BCCIP: variants seen among roughly 807,000 people sequenced by gnomAD.
BCCIP encodes the protein BRCA2 and CDKN1A-interacting protein.
A neutral mutation model predicts 32.8 loss-of-function variants in BCCIP; 23 were observed. The ratio of observed to expected loss-of-function variants is 0.70; its 90% CI spans 0.51 to 0.99. The LOEUF is 0.99. Among genes scored for constraint, BCCIP ranks in the 50% least tolerant of loss-of-function variants. The pLI, the probability that BCCIP is intolerant of heterozygous loss-of-function variation, is 0.00. For synonymous variants in BCCIP, 144 were observed against 137.6 expected (o/e 1.05, Z -0.33); for missense variants, 378 against 379.8 (o/e 1.00, Z 0.04).
At chr10:125,851,650 A>G (rs1944090322) in intron 7 of BCCIP, among the ~76,000 whole-genome samples, 1 of 152,144 alleles carries the variant, frequency 6.6e-6, no homozygotes, top group East Asian at 1.9e-4. Context: ...AGAATATGCC[A>G]CCCCAAAATA....
downstream of BCCIP, chr10:125,836,675 T>A (rs1854695577): frequency 6.2e-7 from 1 of 1,612,456 alleles, no homozygotes; most frequent in African/African-American, 1.3e-5. Flanking sequence ...GCACCTTGTG[T>A]TTGCTGGGGA....
chr10:125,825,016 A>G (rs969097189), intron 1 of BCCIP, among the ~76,000 whole-genome samples: 3 of 152,246 alleles, frequency 2.0e-5, no homozygotes, highest in African/African-American at 7.2e-5. Context: ...TTCCCTTACA[A>G]ATTTTACTTT....
At position 125,852,127 on chromosome 10, in the gene BCCIP, A is replaced by G. The variant is rs144040952; in HGVS notation, c.851-998A>G. On this transcript the variant is annotated intron_variant, in intron 7 of 7. Coordinates refer to the BCCIP transcript ENST00000368759. ...AGAGGTTTGTGGGGTTTTAAAAATT[A>G]CCTTCAGAGAATGTTTACCTCTAGC... Among the ~76,000 whole-genome samples the G allele has an allele frequency of 1.3e-3, 197 of 152,136 alleles. 1 individual carries two copies. The highest frequency in any genetic ancestry group is 4.6e-3 in the African/African-American group (190 of 41,490).
chr10:125,838,483 C>T (rs1399521231), downstream of BCCIP: 12 of 1,180,012 alleles, frequency 1.0e-5, no homozygotes, highest in South Asian at 3.6e-5. Flanking sequence ...GTATTTTATA[C>T]GGGATAGTTA....
chr10:125,831,460 G>A lies in BCCIP; in HGVS notation c.452G>A (p.Arg151His), dbSNP rs144879420. The change falls in exon 5 of 7, where the codon CGC (arginine) becomes CAC (histidine). Residue 151 changes from arginine to histidine, a missense_variant. Physicochemically the swap from Arg to His is conservative, Grantham distance 29 (BLOSUM62 0). Transcript: ENST00000278100. ...CVEQIQELVL[R>H]FCEKNCEKSM... ...GAACAAATTCAAGAGTTGGTTCTACGCTTCTGTGAGAAGAACTGTGAAAAG... is the reference window on the plus strand; with the variant it reads ...GAACAAATTCAAGAGTTGGTTCTACACTTCTGTGAGAAGAACTGTGAAAAG... 354 of 1,614,104 alleles carry A rather than the reference G, an allele frequency of 2.2e-4. No individual in the cohort carries two copies. Among genetic ancestry groups the A allele is most frequent in the East Asian group, 2.2e-3 (97 of 44,878 alleles).
At chr10:125,836,924 C>G, downstream of BCCIP, 1 of 1,385,834 alleles carries the variant, frequency 7.2e-7, no homozygotes, top group Non-Finnish European at 1.0e-6. Context: ...AACATTATGT[C>G]TGGGCACTTC....
intron 7 of BCCIP, chr10:125,852,993 A>G (rs1944111045): frequency 1.5e-6 from 1 of 684,914 alleles, no homozygotes; most frequent in Admixed American, 2.6e-5. Context: ...TGATAGTGCC[A>G]TGTTTCTTTA....
At chr10:125,835,255 CT>C (rs1854638369) in intron 6 of BCCIP, among the ~76,000 whole-genome samples, 1 of 151,826 alleles carries the variant, frequency 6.6e-6, no homozygotes, top group African/African-American at 2.4e-5. Flanking sequence ...CTGTGCCCTT[CT>C]TTTCCAGGAA....
At chr10:125,850,354 C>CTTTTTTTTTTTTTTT (rs765077777) in intron 7 of BCCIP, among the ~76,000 whole-genome samples, 1 of 124,558 alleles carries the variant, frequency 8.0e-6, no homozygotes, top group East Asian at 2.2e-4. Context: ...TTCTTTCTTT[C>CTTTTTTTTTTTTTTT]TTTTTTTTTT....
At chr10:125,846,394 T>A (rs371896994), downstream of BCCIP, among the ~76,000 whole-genome samples, 2 of 152,208 alleles carry the variant, frequency 1.3e-5, no homozygotes, top group South Asian at 4.1e-4. Context: ...GTGGGTGTTT[T>A]CTATATGAGT....
chr10:125,828,404 A>T (rs368816668), intron 3 of BCCIP, among the ~76,000 whole-genome samples: 1 of 152,160 alleles, frequency 6.6e-6, no homozygotes, highest in East Asian at 1.9e-4. Context: ...AGTGATTGAG[A>T]TTGCGCAGGG....
At chr10:125,844,532 G>T (rs1854958273), downstream of BCCIP, among the ~76,000 whole-genome samples, 1 of 152,202 alleles carries the variant, frequency 6.6e-6, no homozygotes, top group Non-Finnish European at 1.5e-5. Flanking sequence ...TATTATATTA[G>T]AAAGAATGAG....
rs150676205 is a variant in BCCIP, at chr10:125,826,641, C to T, written c.216C>T (p.Asp72=). 3.4e-5 allele frequency: 55 copies of T among 1,613,190 alleles called. No individual in the cohort carries two copies. In the African/African-American group the frequency reaches 3.5e-4, roughly 10 times the overall value. The change falls in exon 2 of 7, where the codon GAC becomes GAT. Residue 72 remains aspartate, a synonymous_variant. Coordinates refer to ENST00000278100, the MANE Select transcript of BCCIP (RefSeq NM_078468.3). ...ATTCCCTATCAGATAATGATTATGA[C>T]GGAATTAAGAAATTACTGCAGCAGG... is the stretch of plus-strand genomic sequence containing the variant. ...EAYSLSDNDY[D]GIKKLLQQLF...
intron 7 of BCCIP, among the ~76,000 whole-genome samples, chr10:125,848,498 T>C (rs1211007828): frequency 6.6e-6 from 1 of 152,086 alleles, no homozygotes; most frequent in Non-Finnish European, 1.5e-5. Context: ...ATATGTAAAG[T>C]GAGGTTTTGA....
chr10:125,851,978 C>T (rs1156900486), intron 7 of BCCIP, among the ~76,000 whole-genome samples: 2 of 150,418 alleles, frequency 1.3e-5, no homozygotes, highest in Non-Finnish European at 3.0e-5. Context: ...GCTGAGAATT[C>T]TTCTTTCTGC....
intron 7 of BCCIP, among the ~76,000 whole-genome samples, chr10:125,849,238 C>T (rs557128637): frequency 6.6e-6 from 1 of 152,312 alleles, no homozygotes; most frequent in South Asian, 2.1e-4. Flanking sequence ...GAGCCACAGC[C>T]ATCTTTCCGC....
In BCCIP at chr10:125,831,488, C is replaced by T; in HGVS notation, c.480C>T (p.Ser160=). ...LRFCEKNCEK[S]MVEQLDKFLN... is the part of the protein sequence containing the mutation. ...TCTGTGAGAAGAACTGTGAAAAGAGCATGGTTGAACAGCTGGACAAGTTTT... is the reference window on the plus strand; with the variant it reads ...TCTGTGAGAAGAACTGTGAAAAGAGTATGGTTGAACAGCTGGACAAGTTTT... Residue 160 remains serine, a synonymous_variant, in exon 5 of 7, where the codon AGC becomes AGT. Transcript: ENST00000278100. 1 of 1,614,170 alleles carries T rather than the reference C, an allele frequency of 6.2e-7. No homozygotes were observed. Among genetic ancestry groups the T allele is most frequent in the South Asian group, 1.1e-5 (1 of 91,084 alleles).
downstream of BCCIP, chr10:125,840,739 T>G: frequency 1.6e-6 from 2 of 1,275,184 alleles, no homozygotes; most frequent in East Asian, 2.5e-5. Flanking sequence ...TGCATTCAAG[T>G]GGCCAGTAGG....
chr10:125,834,087 G>A (rs1400611628), intron 6 of BCCIP, 141 bp downstream of exon 6: 3 of 885,816 alleles, frequency 3.4e-6, no homozygotes, highest in African/African-American at 3.4e-5. Flanking sequence ...ACAGGACCTA[G>A]CAGCTAACAT....
Sources: gnomAD v4.1 joint callset for allele counts (sites outside exome capture counted in the v4.1 genomes callset) on GRCh38, gnomAD v4.1.1 for gene constraint, MANE v1.5 for transcripts, NCBI Gene and HGNC (gene_info 2026-07-23, HGNC 2026-07-21) for gene names.